The following DNAH10 variants were observed in gnomAD, a reference collection of about 807,000 sequenced individuals.
The protein encoded by DNAH10 is dynein axonemal heavy chain 10.
DNAH10 carries 348 observed loss-of-function variants against 506.6 expected under a neutral mutation model. That is an observed-to-expected ratio of 0.69 (90% CI 0.63 to 0.75). DNAH10 has a LOEUF of 0.75. Among genes scored for constraint, DNAH10 ranks in the 30% least tolerant of loss-of-function variants. The probability of loss-of-function intolerance (pLI) is 0.00; values close to 1 mark genes in which losing one functional copy is unlikely to be tolerated. For missense variants in DNAH10, 5,179 were observed against 5,787.1 expected, an observed-to-expected ratio of 0.89 and a Z score of 3.41; for synonymous variants, 2,059 against 2,198.6, an observed-to-expected ratio of 0.94 and a Z score of 1.78.
At position 123,917,171 on chromosome 12, in the gene DNAH10, T is replaced by C. The variant is rs1453971318; in HGVS notation, c.11003-413T>C. 6.6e-6 allele frequency among the ~76,000 whole-genome samples: 1 copy of C among 152,170 alleles called. No individual in the cohort carries two copies. Among genetic ancestry groups the C allele is most frequent in the Non-Finnish European group, 1.5e-5 (1 of 68,024 alleles). On this transcript the variant is annotated intron_variant, in intron 63 of 78. Transcript: ENST00000673944. This position sits in a 1 kb window ranked among gnomAD's most constrained non-coding sequence, Gnocchi z 5.6. ...AATTTGATTTGGATGTACTTTCTTT[T>C]CTTTTTTCTTTTTCTTTTTTTGTAC...
At chr12:123,859,408 C>A in intron 38 of DNAH10, 140 bp downstream of exon 38, 1 of 633,424 alleles carries the variant, frequency 1.6e-6, no homozygotes, top group Non-Finnish European at 2.5e-6. Context: ...TTCGACTCAG[C>A]GTGTTTTTAC....
chr12:123,915,037 T>G (rs1271271765), intron 62 of DNAH10, 38 bp downstream of exon 62: 3 of 1,567,698 alleles, frequency 1.9e-6, no homozygotes, highest in Non-Finnish European at 2.6e-6. Flanking sequence ...CTGCCCCCTA[T>G]TCCTGTTCTC....
At chr12:123,811,322 A>G (rs116841961) in intron 19 of DNAH10, among the ~76,000 whole-genome samples, 2,520 of 150,240 alleles carry the variant, frequency 0.017, 38 homozygotes, top group Middle Eastern at 0.031. Context: ...TAGTATTAGT[A>G]TTACTTTTTT....
chr12:123,807,695 C>G (rs1958733632), intron 18 of DNAH10, among the ~76,000 whole-genome samples: 1 of 150,376 alleles, frequency 6.6e-6, no homozygotes, highest in Non-Finnish European at 1.5e-5. Flanking sequence ...TATCTGACAG[C>G]CATGGGAGGC....
chr12:123,926,563 C>T lies in DNAH10; in HGVS notation c.11922-74C>T. ...GTTCTGGACACCGGAGGAGGCAGCGCTGATCAGACAGACCAGCCCCTGGTC... is the reference window on the plus strand; with the variant it reads ...GTTCTGGACACCGGAGGAGGCAGCGTTGATCAGACAGACCAGCCCCTGGTC... On this transcript the variant is annotated intron_variant, in intron 68 of 78. Transcript: ENST00000673944. The surrounding 1 kb of genome is among the most constrained non-coding windows in gnomAD (Gnocchi z 4.1). 1.3e-6 allele frequency: 2 copies of T among 1,519,456 alleles called. No homozygotes were observed. The highest frequency in any genetic ancestry group is 1.8e-6 in the Non-Finnish European group (2 of 1,123,794). The allele number at this position is 1,519,456 out of a possible 1,614,324, so 94.1% of individuals were successfully genotyped here. A position where few individuals can be genotyped will look rare whatever the true frequency, so the allele number is the denominator to read the frequency against.
At chr12:123,767,305 GTGT>G (rs1413932712) in intron 1 of DNAH10, among the ~76,000 whole-genome samples, 3 of 152,190 alleles carry the variant, frequency 2.0e-5, no homozygotes, top group Non-Finnish European at 4.4e-5. Context: ...TACGTTCATA[GTGT>G]TGTGCACCCA....
In DNAH10 at chr12:123,925,055, T is replaced by G. The variant is rs980133369; in HGVS notation, c.11772T>G (p.Tyr3924Ter). 1 of 1,613,998 alleles carries G rather than the reference T, an allele frequency of 6.2e-7. No individual in the cohort carries two copies. Among genetic ancestry groups the G allele is most frequent in the East Asian group, 2.2e-5 (1 of 44,886 alleles). ...ENNQTVWQEW[Y>*]DLDSLEQFPV... ...ATATTCTTTGCTTTTCCCAGTGGTA[T>G]GACCTGGATTCACTGGAGCAGTTTC... The change falls in exon 68 of 79, where the codon TAT becomes TAG. Residue 3924 changes from tyrosine (Y) to a stop codon, truncating the protein, a stop_gained. Coordinates refer to ENST00000673944, the MANE Select transcript of DNAH10 (RefSeq NM_001372106.1). LOFTEE classifies it high-confidence loss of function. This position sits in a 1 kb window ranked among gnomAD's most constrained non-coding sequence, Gnocchi z 4.0.
rs755052875 is a variant in DNAH10, at chr12:123,762,562, C to A, written c.214+12C>A. ...GGAGGTGGAGATTGGTGAGCCTCGA[C>A]GCGCCGCTCCCTTCCCCGGGCTTCC... On this transcript the variant is annotated intron_variant, in intron 1 of 78. Coordinates refer to ENST00000673944, the MANE Select transcript of DNAH10 (RefSeq NM_001372106.1). This position sits in a 1 kb window ranked among gnomAD's most constrained non-coding sequence, Gnocchi z 5.0. The A allele has an allele frequency of 4.4e-5, 68 of 1,544,996 alleles. No homozygotes were observed. The South Asian group carries it at 8.1e-4, about 18-fold the overall frequency.
chr12:123,920,666 T>C (rs1279086664), intron 65 of DNAH10, among the ~76,000 whole-genome samples: 1 of 152,270 alleles, frequency 6.6e-6, no homozygotes, highest in Non-Finnish European at 1.5e-5. Context: ...GTCTTATATG[T>C]CATGTTTCAC....
rs1000761983 is a variant in DNAH10 at position 123,909,523 on chromosome 12, G to A, written c.9997+81G>A. ...GCTCTGGGACAGGGATGGAGGGCAA[G>A]GAGGCTTGTCGTGGGCAGGCCCTCC... On this transcript the variant is annotated intron_variant, in intron 58 of 78. Coordinates refer to ENST00000673944, the MANE Select transcript of DNAH10 (RefSeq NM_001372106.1). This position sits in a 1 kb window ranked among gnomAD's most constrained non-coding sequence, Gnocchi z 5.4. The A allele has an allele frequency of 7.2e-5, 105 of 1,466,352 alleles. No individual in the cohort carries two copies. The highest frequency in any genetic ancestry group is 9.2e-5 in the Non-Finnish European group (101 of 1,102,618). 90.8% of individuals were successfully genotyped at this position (1,466,352 alleles called of 1,614,324 possible). A position where few individuals can be genotyped will look rare whatever the true frequency, so the allele number is the denominator to read the frequency against.
chr12:123,785,935 A>G lies in DNAH10; in HGVS notation c.1420A>G (p.Lys474Glu). The G allele has an allele frequency of 6.2e-7, 1 of 1,606,800 alleles. No homozygotes were observed. The change falls in exon 9 of 79, where the codon AAA becomes GAA. Residue 474 changes from lysine to glutamate, a missense_variant and splice_region_variant. Coordinates refer to ENST00000673944, the MANE Select transcript of DNAH10 (RefSeq NM_001372106.1). This position sits in a 1 kb window ranked among gnomAD's most constrained non-coding sequence, Gnocchi z 4.1. The stretch of plus-strand genomic sequence containing the variant: ...AGTGGTCAACCTGCGGACTTTGTTC[A>G]AGTAAGAAGCCATGGCGTTCATTTT... ...CRVVNLRTLF[K>E]ENRASAQSKT...
chr12:123,773,171 C>T (rs77092717), intron 4 of DNAH10, among the ~76,000 whole-genome samples: 2,474 of 152,304 alleles, frequency 0.016, 38 homozygotes, highest in Middle Eastern at 0.034. Context: ...CATGTCTGCA[C>T]ATATTTGGAG....
intron 69 of DNAH10, chr12:123,927,795 T>A (rs1392405636): frequency 6.5e-6 from 1 of 153,200 alleles, no homozygotes; most frequent in Non-Finnish European, 1.5e-5. Flanking sequence ...GCAATACCCA[T>A]GCTGGATGGC....
In DNAH10 at chr12:123,794,117, T is replaced by A; in HGVS notation, c.1986+5T>A. On this transcript the variant is annotated splice_donor_5th_base_variant and intron_variant, in intron 12 of 78. Transcript: ENST00000673944. Reference sequence around the variant, plus strand: ...CTTGCACAGTACTGTAAAGAGGTAATTGAAAAATCGATAGCTGCCATAGCA... The same window carrying A: ...CTTGCACAGTACTGTAAAGAGGTAAATGAAAAATCGATAGCTGCCATAGCA... The A allele has an allele frequency of 2.5e-6, 3 of 1,180,270 alleles. No individual in the cohort carries two copies. Among genetic ancestry groups the A allele is most frequent in the Non-Finnish European group, 3.2e-6 (3 of 930,362 alleles). 73.1% of individuals were successfully genotyped at this position (1,180,270 alleles called of 1,614,324 possible).
At position 123,867,484 on chromosome 12, in the gene DNAH10, G is replaced by A; in HGVS notation, c.7185G>A (p.Leu2395=). 6.2e-7 allele frequency: 1 copy of A among 1,613,546 alleles called. No homozygotes were observed. Among genetic ancestry groups the A allele is most frequent in the African/African-American group, 1.3e-5 (1 of 75,020 alleles). The change falls in exon 42 of 79, where the codon TTG becomes TTA. Residue 2395 remains leucine (L), a synonymous_variant. Coordinates refer to ENST00000673944, the MANE Select transcript of DNAH10 (RefSeq NM_001372106.1). ...TTTTATAGGTGGAGCAATACAATTT[G>A]AATAGTCTCTTTGAGAAGTATGTGC... is the stretch of plus-strand genomic sequence containing the variant. ...QIPNKVEQYN[L]NSLFEKYVPY...
chr12:123,762,491 G>A lies in DNAH10; in HGVS notation c.155G>A (p.Gly52Glu). 6.6e-7 allele frequency: 1 copy of A among 1,524,900 alleles called. No homozygotes were observed. The highest frequency in any genetic ancestry group is 8.8e-7 in the Non-Finnish European group (1 of 1,133,064). The allele number at this position is 1,524,900 out of a possible 1,614,324, so 94.5% of individuals were successfully genotyped here. Reference sequence around the variant, plus strand: ...CTCAACCAGGCGAGCGAGGAGGAGGGGCCCTCGGCGCTCTTCATCTACCGC... The same window carrying A: ...CTCAACCAGGCGAGCGAGGAGGAGGAGCCCTCGGCGCTCTTCATCTACCGC... ...HFLNQASEEEGPSALFIYRTM... is the reference protein window; with the variant it reads ...HFLNQASEEEEPSALFIYRTM... The change falls in exon 1 of 79, where the codon GGG becomes GAG. Residue 52 changes from glycine (G) to glutamate (E), a missense_variant. By Grantham distance (98) the Gly-to-Glu change is moderately conservative. This residue lies in a region of DNAH10 where 326 missense variants were observed against 330.8 expected (regional missense o/e 0.99). Transcript: ENST00000673944. This position sits in a 1 kb window ranked among gnomAD's most constrained non-coding sequence, Gnocchi z 5.0.
chr12:123,924,899 G>A (rs147592237), intron 67 of DNAH10, 151 bp from the exon 68 acceptor site: 10 of 989,240 alleles, frequency 1.0e-5, no homozygotes, highest in Non-Finnish European at 1.5e-5. Context: ...GCCTTTGGGG[G>A]TAGAGAATGA....
At chr12:123,878,251 A>G (rs754535226) in intron 48 of DNAH10, among the ~76,000 whole-genome samples, 7 of 152,178 alleles carry the variant, frequency 4.6e-5, no homozygotes, top group African/African-American at 7.2e-5. Context: ...CCGGTTGGTT[A>G]TAGGATGTGT....
Position 123,870,453 on chromosome 12 carries a change from A to G in DNAH10, c.7607A>G (p.His2536Arg), listed in dbSNP as rs757325015. 2 of 1,613,816 alleles carry G rather than the reference A, an allele frequency of 1.2e-6. No homozygotes were observed. Among genetic ancestry groups the G allele is most frequent in the East Asian group, 2.2e-5 (1 of 44,888 alleles). ...PWSKLVPEYI[H>R]APERKFINIL... ...AGTAAATTAGTTCCAGAGTATATTCATGCCCCCGAGAGGAAATTCATCAAC... is the reference window on the plus strand; with the variant it reads ...AGTAAATTAGTTCCAGAGTATATTCGTGCCCCCGAGAGGAAATTCATCAAC... Residue 2536 changes from histidine (H) to arginine (R), a missense_variant, in exon 44 of 79, where the codon CAT becomes CGT. Transcript: ENST00000673944.
Sources: allele counts gnomAD v4.1 joint callset (sites outside exome capture counted in the v4.1 genomes callset), GRCh38; gene constraint gnomAD v4.1.1; regional missense constraint gnomAD v4.1.1; non-coding constraint Gnocchi (gnomAD v3.1); transcripts MANE v1.5; gene names NCBI Gene and HGNC (gene_info 2026-07-23, HGNC 2026-07-21).